The following PTS variants were observed in gnomAD, a reference collection of about 807,000 sequenced individuals.
The protein encoded by PTS is 6-pyruvoyltetrahydropterin synthase, also known as 6-pyruvoyl tetrahydrobiopterin synthase.
PTS carries 23 observed loss-of-function variants against 20.6 expected under a neutral mutation model. That is an observed-to-expected ratio of 1.12 (90% CI 0.80 to 1.58). PTS has a LOEUF of 1.58. PTS is among the 40% of genes most tolerant of loss of function. PTS has a pLI of 0.00. For synonymous variants in PTS, 65 were observed against 62.5 expected (o/e 1.04, Z -0.19); for missense variants, 186 against 182.4 (o/e 1.02, Z -0.11).
At chr11:112,231,830 A>G (rs1168433250) in intron 4 of PTS, among the ~76,000 whole-genome samples, 1 of 142,606 alleles carries the variant, frequency 7.0e-6, no homozygotes, top group African/African-American at 2.6e-5. Context: ...AGATAGGGCC[A>G]GCATGCATTT....
rs1489582562 is a variant in PTS at position 112,230,225 on chromosome 11, G to A, written c.181G>A (p.Gly61Arg). 1 of 1,613,598 alleles carries A rather than the reference G, an allele frequency of 6.2e-7. No homozygotes were observed. Among genetic ancestry groups the A allele is most frequent in the African/African-American group, 1.3e-5 (1 of 75,004 alleles). The change falls in exon 3 of 6, where the codon GGA (glycine) becomes AGA (arginine). Residue 61 changes from glycine (G) to arginine (R), a missense_variant. Gly to Arg is a moderately radical substitution (Grantham distance 125). Transcript: ENST00000280362. ...HNYKVVVTVH[G>R]EIDPATGMVM... ...TTCCATAGTTGTGGTGACAGTACAT[G>A]GAGAGGTATGTGCAGAAAATATTTG... is the stretch of plus-strand genomic sequence containing the variant.
intron 2 of PTS, chr11:112,228,968 CTAA>C: frequency 2.9e-6 from 1 of 346,950 alleles, no homozygotes; most frequent in Non-Finnish European, 5.2e-6. Flanking sequence ...ATGGCCAAGG[CTAA>C]TGTTAAAATT....
At position 112,227,150 on chromosome 11, in the gene PTS, C is replaced by G. The variant is rs888634133; in HGVS notation, c.83+624C>G. 4.6e-5 allele frequency among the ~76,000 whole-genome samples: 7 copies of G among 151,994 alleles called. No homozygotes were observed. The East Asian group carries it at 1.4e-3, about 29-fold the overall frequency. On this transcript the variant is annotated intron_variant, in intron 1 of 5. Coordinates refer to ENST00000280362, the MANE Select transcript of PTS (RefSeq NM_000317.3). The stretch of plus-strand genomic sequence containing the variant: ...CGATCATACATACTGCTTGCATGCA[C>G]TGACGAGTTGATTTTGAGGAATTTT...
intron 1 of PTS, 127 bp downstream of exon 1, chr11:112,226,653 C>G (rs1226258930): frequency 1.2e-5 from 8 of 643,188 alleles, no homozygotes; most frequent in Non-Finnish European, 1.8e-5. Context: ...GGGCGACGCG[C>G]GCTGGTCGGC....
Position 112,230,247 on chromosome 11 carries a change from T to C in PTS, c.186+17T>C. The C allele has an allele frequency of 6.2e-7, 1 of 1,612,186 alleles. No homozygotes were observed. The highest frequency in any genetic ancestry group is 8.5e-7 in the Non-Finnish European group (1 of 1,178,290). Reference sequence around the variant, plus strand: ...CATGGAGAGGTATGTGCAGAAAATATTTGTGTGGTTTTTGCAGATTGCTGG... The same window carrying C: ...CATGGAGAGGTATGTGCAGAAAATACTTGTGTGGTTTTTGCAGATTGCTGG... On this transcript the variant is annotated intron_variant, in intron 3 of 5. Transcript: ENST00000280362.
chr11:112,227,971 G>A (rs943096629), intron 1 of PTS, among the ~76,000 whole-genome samples: 1 of 152,224 alleles, frequency 6.6e-6, no homozygotes, highest in Non-Finnish European at 1.5e-5. Context: ...ATGGGTATAA[G>A]TATAAACATT....
rs1035370649 is a variant in PTS at position 112,233,642 on chromosome 11, C to T, written c.*87C>T. ...CCCTTGGAATATTAAGAGGTCAACA[C>T]GTGATTGTTGTACGTACACATTGTG... On this transcript the variant is annotated 3_prime_UTR_variant, in exon 6 of 6. Coordinates refer to ENST00000280362, the MANE Select transcript of PTS (RefSeq NM_000317.3). The T allele has an allele frequency of 1.3e-5, 20 of 1,589,548 alleles. No individual in the cohort carries two copies. Among genetic ancestry groups the T allele is most frequent in the East Asian group, 2.2e-5 (1 of 44,446 alleles).
chr11:112,228,549 T>A (rs754745541), intron 1 of PTS, 45 bp from the exon 2 acceptor site: 2 of 1,494,000 alleles, frequency 1.3e-6, no homozygotes, highest in Non-Finnish European at 1.8e-6. Context: ...GGGGTTTGAA[T>A]GTGATACTTG....
chr11:112,229,779 A>C (rs1320529993), intron 2 of PTS, among the ~76,000 whole-genome samples: 1 of 152,224 alleles, frequency 6.6e-6, no homozygotes, highest in Non-Finnish European at 1.5e-5. Flanking sequence ...GTAAGGGGAC[A>C]AGAATTTAAG....
At chr11:112,226,759 C>T (rs1357852543) in intron 1 of PTS, among the ~76,000 whole-genome samples, 1 of 151,894 alleles carries the variant, frequency 6.6e-6, no homozygotes, top group South Asian at 2.1e-4. Flanking sequence ...ACGGAGCCGA[C>T]TGCGGAGGGC....
At position 112,229,117 on chromosome 11, in the gene PTS, T is replaced by TG. The variant is rs572521174; in HGVS notation, c.163+444_163+445insG. 1.0e-3 allele frequency: 185 copies of TG among 185,390 alleles called. 1 individual carries two copies. Among genetic ancestry groups the TG allele is most frequent in the African/African-American group, 4.0e-3 (168 of 41,886 alleles). The allele number at this position is 185,390 out of a possible 1,614,324, so 11.5% of individuals were successfully genotyped here. On this transcript the variant is annotated intron_variant, in intron 2 of 5. Coordinates refer to ENST00000280362, the MANE Select transcript of PTS (RefSeq NM_000317.3). ...AGAAAGTAGGTAATTTGTTCAAGGA[T>TG]AAGAGACTTGATTCTTTGAGGTACA...
intron 5 of PTS, 42 bp downstream of exon 5, chr11:112,233,275 A>G: frequency 6.3e-7 from 1 of 1,586,858 alleles, no homozygotes; most frequent in Non-Finnish European, 8.7e-7. Context: ...TTGTAAAACA[A>G]GAATTGATTT....
rs566427241 is a variant in PTS, at chr11:112,233,253, G to A, written c.314+20G>A. 5.3e-5 allele frequency: 85 copies of A among 1,604,504 alleles called. 2 individuals are homozygous for A. In the South Asian group the frequency reaches 7.7e-4, roughly 15 times the overall value. ...GGTGAGGTGGGTGGCACTGTATCTT[G>A]CCTTATGTGGATTGTAAAACAAGAA... On this transcript the variant is annotated intron_variant, in intron 5 of 5. Transcript: ENST00000280362.
At position 112,226,649 on chromosome 11, in the gene PTS, C is replaced by T. The variant is rs959790342; in HGVS notation, c.83+123C>T. ...AGGGGCGCGGGGGCTGCTGGGGCGA[C>T]GCGCGCTGGTCGGCTTCGTGGGGCT... On this transcript the variant is annotated intron_variant, in intron 1 of 5. Coordinates refer to ENST00000280362, the MANE Select transcript of PTS (RefSeq NM_000317.3). The T allele has an allele frequency of 2.9e-4, 200 of 695,226 alleles. 1 individual carries two copies. Among genetic ancestry groups the T allele is most frequent in the Admixed American group, 4.1e-4 (9 of 21,902 alleles). 43.1% of individuals were successfully genotyped at this position (695,226 alleles called of 1,614,324 possible).
At chr11:112,226,688 A>G (rs978666581) in intron 1 of PTS, among the ~76,000 whole-genome samples, 162 bp downstream of exon 1, 3 of 151,928 alleles carry the variant, frequency 2.0e-5, no homozygotes, top group Non-Finnish European at 4.4e-5. Flanking sequence ...GACGGCCTCC[A>G]GCATCCTGAT....
intron 1 of PTS, among the ~76,000 whole-genome samples, chr11:112,227,054 C>T: frequency 6.9e-6 from 1 of 144,166 alleles, no homozygotes; most frequent in African/African-American, 2.6e-5. Flanking sequence ...GGTCTAGTGG[C>T]TAGGAGAAAA....
At chr11:112,226,856 C>G (rs1859872408) in intron 1 of PTS, among the ~76,000 whole-genome samples, 1 of 151,638 alleles carries the variant, frequency 6.6e-6, no homozygotes, top group South Asian at 2.1e-4. Flanking sequence ...TGGTGTAGAC[C>G]ACAGGGTTGC....
intron 5 of PTS, 73 bp downstream of exon 5, chr11:112,233,306 G>A (rs915669792): frequency 3.2e-6 from 5 of 1,554,326 alleles, no homozygotes; most frequent in Non-Finnish European, 4.4e-6. Flanking sequence ...ATTGTTGTGT[G>A]ATTTCTGAAG....
intron 4 of PTS, among the ~76,000 whole-genome samples, chr11:112,230,923 C>T (rs1400104980): frequency 2.0e-5 from 3 of 152,102 alleles, no homozygotes; most frequent in Admixed American, 6.5e-5. Context: ...ACATGCTCAC[C>T]TTGTATTCCT....
Sources: allele counts gnomAD v4.1 joint callset (sites outside exome capture counted in the v4.1 genomes callset), GRCh38; gene constraint gnomAD v4.1.1; transcripts MANE v1.5; gene names NCBI Gene and HGNC (gene_info 2026-07-23, HGNC 2026-07-21).